The following KCNQ5 variants were observed in gnomAD, a reference collection of about 807,000 sequenced individuals.
KCNQ5 encodes potassium voltage-gated channel subfamily KQT member 5.
KCNQ5 carries 30 observed loss-of-function variants against 98.2 expected under a neutral mutation model. The observed-to-expected ratio is 0.31, with a 90% CI of 0.23 to 0.41. The LOEUF (loss-of-function observed/expected upper bound fraction) is 0.41, where lower values mean the gene tolerates loss of function less well. KCNQ5 is among the 10% of genes least tolerant of loss of function. The pLI is 1.00. For missense variants in KCNQ5, 835 were observed against 1,182.5 expected (o/e 0.71, Z 4.31); for synonymous variants, 458 against 449.4 (o/e 1.02, Z -0.24).
intron 1 of KCNQ5, among the ~76,000 whole-genome samples, chr6:72,692,740 AT>A (rs1179005938): frequency 6.6e-6 from 1 of 152,218 alleles, no homozygotes; most frequent in African/African-American, 2.4e-5. Context: ...ATCAGACCTT[AT>A]GTACTGATGC....
At chr6:72,689,786 T>G (rs944902356) in intron 1 of KCNQ5, among the ~76,000 whole-genome samples, 15 of 151,480 alleles carry the variant, frequency 9.9e-5, no homozygotes, top group Admixed American at 4.0e-4. Flanking sequence ...AACAAGCGTT[T>G]TTTTTTTTTT....
At chr6:72,974,112 T>G (rs563424484) in intron 1 of KCNQ5, among the ~76,000 whole-genome samples, 2 of 152,310 alleles carry the variant, frequency 1.3e-5, no homozygotes, top group African/African-American at 4.8e-5. Flanking sequence ...TTTGTAATAC[T>G]CTAAACCGAG....
chr6:72,848,566 CAAAT>C (rs1045145479), intron 1 of KCNQ5, among the ~76,000 whole-genome samples: 4 of 152,152 alleles, frequency 2.6e-5, no homozygotes, highest in African/African-American at 9.7e-5. Context: ...TTTTGTAACT[CAAAT>C]AACTTTACCC....
chr6:72,741,654 AG>A (rs1771136251), intron 1 of KCNQ5, among the ~76,000 whole-genome samples: 1 of 152,194 alleles, frequency 6.6e-6, no homozygotes, highest in Admixed American at 6.5e-5. Flanking sequence ...GACATACCTT[AG>A]ATGATGTTAT....
At chr6:73,077,227 TA>T in intron 3 of KCNQ5, 94 bp from the exon 4 acceptor site, 1 of 1,258,542 alleles carries the variant, frequency 7.9e-7, no homozygotes, top group Non-Finnish European at 1.1e-6. Context: ...ATCTGTACCT[TA>T]AATAGGTCAA....
intron 1 of KCNQ5, among the ~76,000 whole-genome samples, chr6:72,675,925 T>C (rs1046955123): frequency 6.6e-6 from 1 of 152,250 alleles, no homozygotes; most frequent in Non-Finnish European, 1.5e-5. Flanking sequence ...ACAGTCTCTT[T>C]CTTTTGTTTT....
At chr6:73,064,194 A>G (rs1043496385) in intron 3 of KCNQ5, among the ~76,000 whole-genome samples, 3 of 152,202 alleles carry the variant, frequency 2.0e-5, no homozygotes, top group Non-Finnish European at 2.9e-5. Flanking sequence ...GTGATGATTA[A>G]TCATAATCTG....
At chr6:72,841,818 C>G (rs367660548) in intron 1 of KCNQ5, among the ~76,000 whole-genome samples, 40 of 152,208 alleles carry the variant, frequency 2.6e-4, no homozygotes, top group African/African-American at 6.5e-4. Context: ...GTACCAATAT[C>G]AGATTAATTA....
intron 2 of KCNQ5, among the ~76,000 whole-genome samples, chr6:73,016,301 G>A (rs1301106184): frequency 6.6e-6 from 1 of 152,014 alleles, no homozygotes. Context: ...TTAGACAGGA[G>A]CATACCTGGT....
At chr6:72,866,422 T>C (rs1777988959) in intron 1 of KCNQ5, among the ~76,000 whole-genome samples, 1 of 151,962 alleles carries the variant, frequency 6.6e-6, no homozygotes, top group African/African-American at 2.4e-5. Context: ...GCCTGGCTAA[T>C]TTTTTGTATT....
At chr6:72,791,297 A>C (rs943625500) in intron 1 of KCNQ5, among the ~76,000 whole-genome samples, 1 of 151,944 alleles carries the variant, frequency 6.6e-6, no homozygotes, top group Non-Finnish European at 1.5e-5. Flanking sequence ...ACGTGTGTGC[A>C]TGTGCGCACT....
intron 6 of KCNQ5, 88 bp downstream of exon 6, chr6:73,105,455 C>A: frequency 1.5e-6 from 1 of 675,474 alleles, no homozygotes; most frequent in Admixed American, 2.6e-5. Context: ...TGCTTGGGAA[C>A]ATATCTATAT....
intron 1 of KCNQ5, among the ~76,000 whole-genome samples, chr6:72,804,862 C>T (rs1199692816): frequency 6.6e-6 from 1 of 152,166 alleles, no homozygotes; most frequent in Non-Finnish European, 1.5e-5. Context: ...GTGATTTTAA[C>T]TGGAGTGAGT....
At chr6:73,120,700 A>T (rs1891404) in intron 8 of KCNQ5, 123 bp downstream of exon 8, 1 of 528,388 alleles carries the variant, frequency 1.9e-6, no homozygotes, top group Non-Finnish European at 3.3e-6. Context: ...GTTGCTCCTA[A>T]AGAGATTCAA....
intron 1 of KCNQ5, among the ~76,000 whole-genome samples, chr6:72,890,216 A>T (rs1327986013): frequency 6.6e-6 from 1 of 152,202 alleles, no homozygotes; most frequent in Non-Finnish European, 1.5e-5. Context: ...CATCACCATA[A>T]TCAGCATACT....
intron 5 of KCNQ5, among the ~76,000 whole-genome samples, chr6:73,096,213 G>C (rs1231425948): frequency 2.0e-5 from 3 of 152,076 alleles, no homozygotes; most frequent in Non-Finnish European, 2.9e-5. Context: ...GTCTTGGGAA[G>C]TGGCTTAAAT....
At chr6:72,704,458 G>A (rs889542664) in intron 1 of KCNQ5, among the ~76,000 whole-genome samples, 3 of 151,896 alleles carry the variant, frequency 2.0e-5, no homozygotes, top group African/African-American at 7.3e-5. Flanking sequence ...AGGACTGCAT[G>A]CAGAGGTACT....
At chr6:72,889,204 C>T (rs1033748008) in intron 1 of KCNQ5, among the ~76,000 whole-genome samples, 16 of 152,058 alleles carry the variant, frequency 1.1e-4, no homozygotes, top group East Asian at 9.7e-4. Flanking sequence ...GAACAGTATT[C>T]CAGGCAGCAG....
chr6:72,951,441 C>A (rs1163785426), intron 1 of KCNQ5, among the ~76,000 whole-genome samples: 2 of 88,558 alleles, frequency 2.3e-5, no homozygotes, highest in East Asian at 2.9e-4. Flanking sequence ...CCACACCCAG[C>A]AAATTTTTTT....
Sources: allele counts gnomAD v4.1 joint callset (sites outside exome capture counted in the v4.1 genomes callset), GRCh38; gene constraint gnomAD v4.1.1; transcripts MANE v1.5; gene names NCBI Gene and HGNC (gene_info 2026-07-23, HGNC 2026-07-21).